AK5: variants seen among roughly 807,000 people sequenced by gnomAD.
AK5 encodes adenylate kinase 5.
A neutral mutation model predicts 69.5 loss-of-function variants in AK5; 27 were observed. The observed-to-expected ratio is 0.39, with a 90% CI of 0.29 to 0.54. The LOEUF (loss-of-function observed/expected upper bound fraction) is 0.54, where lower values mean the gene tolerates loss of function less well. AK5 is among the 20% of genes least tolerant of loss of function. AK5 has a pLI of 0.71. For synonymous variants in AK5, 260 were observed against 244.4 expected, an observed-to-expected ratio of 1.06 and a Z score of -0.60; for missense variants, 531 against 700.4, an observed-to-expected ratio of 0.76 and a Z score of 2.73.
At chr1:77,299,142 T>TA (rs1332604331) in intron 5 of AK5, among the ~76,000 whole-genome samples, 4 of 152,058 alleles carry the variant, frequency 2.6e-5, no homozygotes, top group Admixed American at 2.6e-4. Flanking sequence ...TCCAACCAGA[T>TA]ACGATTCATG....
At chr1:77,480,039 A>G (rs955519346) in intron 8 of AK5, among the ~76,000 whole-genome samples, 1 of 152,210 alleles carries the variant, frequency 6.6e-6, no homozygotes, top group African/African-American at 2.4e-5. Context: ...CCAACATTTG[A>G]AAAGTAACAA....
intron 6 of AK5, among the ~76,000 whole-genome samples, chr1:77,378,610 C>A (rs951235984): frequency 3.9e-5 from 6 of 152,106 alleles, no homozygotes; most frequent in Non-Finnish European, 7.4e-5. Context: ...CATAAGCCAT[C>A]GCACCAGGCC....
In AK5 at chr1:77,368,295, TATATATA is replaced by T. The variant is rs1424626336; in HGVS notation, c.891+27735_891+27741del. ...TATGTTATATATGTTATATATATGT[TATATATA>T]ATATATATGTTATATATAATATATA... On this transcript the variant is annotated intron_variant, in intron 6 of 13. Coordinates refer to ENST00000354567, the MANE Select transcript of AK5 (RefSeq NM_174858.3). Among the ~76,000 whole-genome samples the T allele has an allele frequency of 2.5e-3, 301 of 120,670 alleles. 2 individuals carry two copies. Among genetic ancestry groups the T allele is most frequent in the Non-Finnish European group, 4.1e-3 (251 of 60,804 alleles). The allele number at this position is 120,670 out of a possible 152,430, so 79.2% of individuals were successfully genotyped here.
At chr1:77,399,201 C>T (rs1649030794) in intron 6 of AK5, among the ~76,000 whole-genome samples, 1 of 152,208 alleles carries the variant, frequency 6.6e-6, no homozygotes, top group South Asian at 2.1e-4. Flanking sequence ...TGCTCATGAT[C>T]TGGACATTGG....
chr1:77,478,556 A>G (rs1655079399), intron 8 of AK5, among the ~76,000 whole-genome samples: 1 of 152,170 alleles, frequency 6.6e-6, no homozygotes, highest in Non-Finnish European at 1.5e-5. Flanking sequence ...TTCTCCATTA[A>G]ACCTCTTTCC....
At chr1:77,283,678 G>T (rs7517698) in intron 1 of AK5, 2 of 925,650 alleles carry the variant, frequency 2.2e-6, no homozygotes, top group South Asian at 5.0e-5. Context: ...TTACTCCTGC[G>T]TGAAAATAAT....
At chr1:77,369,431 AT>A (rs904935072) in intron 6 of AK5, among the ~76,000 whole-genome samples, 11 of 152,128 alleles carry the variant, frequency 7.2e-5, no homozygotes, top group African/African-American at 2.4e-4. Context: ...TGCTCCTATT[AT>A]TTTTCCCTAA....
rs60715102 is a variant in AK5, at chr1:77,506,216, T to TTTGGTTGGTTGG, written c.1148-12320_1148-12309dup. On this transcript the variant is annotated intron_variant, in intron 10 of 13. Transcript: ENST00000354567. Reference sequence around the variant, plus strand: ...TGGGTGAAGAAACAAAGGATCGGTGTTTGGTTGGTTGGTTGGTTGGTTGGT... The same window carrying TTTGGTTGGTTGG: ...TGGGTGAAGAAACAAAGGATCGGTGTTTGGTTGGTTGGTTGGTTGGTTGGTTGGTTGGTTGGT... Among the ~76,000 whole-genome samples, 905 of 149,072 alleles carry TTTGGTTGGTTGG rather than the reference T, an allele frequency of 6.1e-3. 11 individuals carry two copies. The highest frequency in any genetic ancestry group is 9.8e-3 in the Non-Finnish European group (662 of 67,442).
chr1:77,364,444 T>C (rs1005820996), intron 6 of AK5, among the ~76,000 whole-genome samples: 9 of 152,224 alleles, frequency 5.9e-5, no homozygotes, highest in Non-Finnish European at 1.2e-4. Flanking sequence ...ATAGTCATCC[T>C]ATAGTAGTAT....
chr1:77,326,338 T>C (rs1030980859), intron 5 of AK5, among the ~76,000 whole-genome samples: 1 of 152,186 alleles, frequency 6.6e-6, no homozygotes, highest in Non-Finnish European at 1.5e-5. Flanking sequence ...TAGGACTATA[T>C]TAAGCATGAA....
chr1:77,293,614 A>G (rs1180267696), intron 2 of AK5, 179 bp from the exon 3 acceptor site: 4 of 509,440 alleles, frequency 7.9e-6, no homozygotes, highest in Non-Finnish European at 1.4e-5. Context: ...CTCAAAGCCC[A>G]AAATATTGAC....
chr1:77,374,418 C>CTTTTTTTTTT lies in AK5; in HGVS notation c.891+33859_891+33868dup, dbSNP rs34141642. 1.4e-5 allele frequency among the ~76,000 whole-genome samples: 2 copies of CTTTTTTTTTT among 138,800 alleles called. 1 individual carries two copies. Among genetic ancestry groups the CTTTTTTTTTT allele is most frequent in the African/African-American group, 5.3e-5 (2 of 37,554 alleles). The allele number at this position is 138,800 out of a possible 152,430, so 91.1% of individuals were successfully genotyped here. On this transcript the variant is annotated intron_variant, in intron 6 of 13. Coordinates refer to ENST00000354567, the MANE Select transcript of AK5 (RefSeq NM_174858.3). ...TCCTTTTATGCCAATTGAGGTAATG[C>CTTTTTTTTTT]TTTTTTTTTTTTTTTTTTAAGAACC...
At chr1:77,447,555 T>TAA (rs151045720) in intron 8 of AK5, among the ~76,000 whole-genome samples, 5 of 152,164 alleles carry the variant, frequency 3.3e-5, no homozygotes, top group South Asian at 2.1e-4. Flanking sequence ...TGTTTTCTTT[T>TAA]AAAAAAAACC....
chr1:77,340,251 C>T lies in AK5; in HGVS notation c.700-126C>T, dbSNP rs531902994. On this transcript the variant is annotated intron_variant, in intron 5 of 13. Transcript: ENST00000354567. ...GTAGAGCAGCAGCCCTGGAAATACA[C>T]TGTCAAAAACATAGAGGGCCAAATA... 4.6e-6 allele frequency: 4 copies of T among 878,906 alleles called. No homozygotes were observed. In the South Asian group the frequency reaches 5.7e-5, roughly 13 times the overall value. The allele number at this position is 878,906 out of a possible 1,614,324, so 54.4% of individuals were successfully genotyped here. A position where few individuals can be genotyped will look rare whatever the true frequency, so the allele number is the denominator to read the frequency against.
intron 2 of AK5, among the ~76,000 whole-genome samples, chr1:77,289,361 C>T (rs1001134872): frequency 6.6e-6 from 1 of 152,080 alleles, no homozygotes; most frequent in African/African-American, 2.4e-5. Flanking sequence ...ATACACATCC[C>T]CAGCATATGG....
At chr1:77,292,621 G>A (rs1043948451) in intron 2 of AK5, among the ~76,000 whole-genome samples, 3 of 152,098 alleles carry the variant, frequency 2.0e-5, no homozygotes, top group East Asian at 1.9e-4. Flanking sequence ...ACTATATATC[G>A]ACAACAGGTT....
intron 7 of AK5, among the ~76,000 whole-genome samples, chr1:77,416,317 ATC>A (rs1210679375): frequency 6.6e-6 from 1 of 152,186 alleles, no homozygotes; most frequent in Non-Finnish European, 1.5e-5. Flanking sequence ...TCTAGCAGCC[ATC>A]TTATGAACAG....
chr1:77,368,253 AATATATATG>A (rs1557535633), intron 6 of AK5, among the ~76,000 whole-genome samples: 12 of 38,666 alleles, frequency 3.1e-4, no homozygotes, highest in East Asian at 4.7e-3. Context: ...ATATATATAT[AATATATATG>A]TTATATATAT....
At chr1:77,371,224 C>T (rs1647116139) in intron 6 of AK5, among the ~76,000 whole-genome samples, 1 of 152,144 alleles carries the variant, frequency 6.6e-6, no homozygotes, top group Admixed American at 6.6e-5. Context: ...TGACCAGGAC[C>T]CCTTCTTGGC....
Sources: allele counts gnomAD v4.1 joint callset (sites outside exome capture counted in the v4.1 genomes callset), GRCh38; gene constraint gnomAD v4.1.1; transcripts MANE v1.5; gene names NCBI Gene and HGNC (gene_info 2026-07-23, HGNC 2026-07-21).